The following OGFRL1 variants were observed in gnomAD, a reference collection of about 807,000 sequenced individuals.
OGFRL1 encodes the protein opioid growth factor receptor-like protein 1.
OGFRL1 carries 26 observed loss-of-function variants against 32.4 expected under a neutral mutation model. That is an observed-to-expected ratio of 0.80 (90% CI 0.59 to 1.11). OGFRL1 has a LOEUF of 1.11. OGFRL1 is among the 50% of genes most tolerant of loss of function. The pLI is 0.00. For missense variants in OGFRL1, 521 were observed against 546.4 expected, an observed-to-expected ratio of 0.95 and a Z score of 0.46; for synonymous variants, 211 against 201.2, an observed-to-expected ratio of 1.05 and a Z score of -0.41.
At position 71,306,987 on chromosome 6, in the gene OGFRL1, A is replaced by G. The variant is rs1766570128; in HGVS notation, c.*4938A>G. ...ATCATTTTAAAAGCACTGTTCTTGC[A>G]TTTTTCCTAGACTACAGAGAGTGTT... is the stretch of plus-strand genomic sequence containing the variant. On this transcript the variant is annotated 3_prime_UTR_variant, in exon 7 of 7. Coordinates refer to ENST00000370435, the MANE Select transcript of OGFRL1 (RefSeq NM_024576.5). 2 of 152,128 alleles carry G rather than the reference A, an allele frequency of 1.3e-5. No individual in the cohort carries two copies. The highest frequency in any genetic ancestry group is 2.9e-5 in the Non-Finnish European group (2 of 68,008). The allele number at this position is 152,128 out of a possible 1,614,324, so 9.4% of individuals were successfully genotyped here.
At chr6:71,291,383 T>C (rs1377290918) in intron 1 of OGFRL1, 1 of 152,234 alleles carries the variant, frequency 6.6e-6, no homozygotes, top group Non-Finnish European at 1.5e-5. Flanking sequence ...AAACAAAGTA[T>C]GGGCAATTCT....
Position 71,296,696 on chromosome 6 carries a change from A to C in OGFRL1, c.571A>C (p.Ile191Leu). Residue 191 changes from isoleucine to leucine, a missense_variant, in exon 6 of 7, where the codon ATT (isoleucine) becomes CTT (leucine). Transcript: ENST00000370435. ...IEEFKKTKEA[I>L]RRFLLAYKMM... The stretch of plus-strand genomic sequence containing the variant: ...GGAATTCAAAAAAACAAAAGAAGCA[A>C]TTAGAAGATTCCTCCTGGCTTATAA... The C allele has an allele frequency of 6.2e-7, 1 of 1,612,124 alleles. No homozygotes were observed. Among genetic ancestry groups the C allele is most frequent in the Non-Finnish European group, 8.5e-7 (1 of 1,179,290 alleles).
Position 71,289,107 on chromosome 6 carries a change from CGGCGGGCGGCCCGGCGCCAGCCCCGCG to C in OGFRL1, c.172_198del (p.Gly58_Ala66del). On this transcript the variant is annotated inframe_deletion, in exon 1 of 7. Coordinates refer to ENST00000370435, the MANE Select transcript of OGFRL1 (RefSeq NM_024576.5). Reference sequence around the variant, plus strand: ...AGCCCGCGCAGCCCCCGGAGCAAGCCGGCGGGCGGCCCGGCGCCAGCCCCGCGCCGGACGAGGACGCCGAGGCGGCGG... The same window carrying C: ...AGCCCGCGCAGCCCCCGGAGCAAGCCCCGGACGAGGACGCCGAGGCGGCGG... 9.0e-7 allele frequency: 1 copy of C among 1,113,300 alleles called. No individual in the cohort carries two copies. The highest frequency in any genetic ancestry group is 1.1e-6 in the Non-Finnish European group (1 of 913,570). 69.0% of individuals were successfully genotyped at this position (1,113,300 alleles called of 1,614,324 possible).
chr6:71,289,789 G>C (rs1582547103), intron 1 of OGFRL1: 5 of 985,252 alleles, frequency 5.1e-6, no homozygotes, highest in Non-Finnish European at 3.6e-6. Flanking sequence ...TGAACTGTTT[G>C]ACTAATACAG....
At chr6:71,301,137 G>T (rs545171995) in intron 6 of OGFRL1, among the ~76,000 whole-genome samples, 1 of 152,228 alleles carries the variant, frequency 6.6e-6, no homozygotes, top group South Asian at 2.1e-4. Context: ...CTAATATGAA[G>T]AACTCAACAG....
chr6:71,289,599 G>C, intron 1 of OGFRL1: 1 of 979,446 alleles, frequency 1.0e-6, no homozygotes, highest in Non-Finnish European at 1.2e-6. Context: ...AATAAGGTGG[G>C]GCTACAAGTG....
chr6:71,296,642 TC>T (rs1340291245), intron 5 of OGFRL1, 29 bp from the exon 6 acceptor site: 2 of 1,608,992 alleles, frequency 1.2e-6, no homozygotes, highest in Non-Finnish European at 1.7e-6. Context: ...CTGAATCATT[TC>T]AGGTGACTTT....
chr6:71,288,847 C>G lies in OGFRL1; in HGVS notation c.-90C>G, dbSNP rs557984940. ...GGCGCGCCTAGGCTGCCGCCCAGCG[C>G]CCTCGCCGCGGCCATGCCCGGGCCC... On this transcript the variant is annotated 5_prime_UTR_variant, in exon 1 of 7. Coordinates refer to ENST00000370435, the MANE Select transcript of OGFRL1 (RefSeq NM_024576.5). 2.1e-6 allele frequency: 2 copies of G among 967,676 alleles called. No individual in the cohort carries two copies. The highest frequency in any genetic ancestry group is 4.8e-4 in the Middle Eastern group (1 of 2,094). The allele number at this position is 967,676 out of a possible 1,614,324, so 59.9% of individuals were successfully genotyped here.
chr6:71,289,402 C>T, intron 1 of OGFRL1: 2 of 985,028 alleles, frequency 2.0e-6, no homozygotes, highest in Non-Finnish European at 1.2e-6. Flanking sequence ...GCCGAGGGCA[C>T]GGCGAGGAAG....
At position 71,289,399 on chromosome 6, in the gene OGFRL1, G is replaced by T. The variant is rs1765970165; in HGVS notation, c.234+229G>T. 2.0e-6 allele frequency: 2 copies of T among 984,874 alleles called. 1 individual carries two copies. The highest frequency in any genetic ancestry group is 3.5e-5 in the African/African-American group (2 of 57,182). 61.0% of individuals were successfully genotyped at this position (984,874 alleles called of 1,614,324 possible). ...CTGCCGGCCTGGGGCCTGGCCGAGG[G>T]CACGGCGAGGAAGTCCCTCAAGGCA... On this transcript the variant is annotated intron_variant, in intron 1 of 6. Transcript: ENST00000370435.
chr6:71,297,978 G>A lies in OGFRL1; in HGVS notation c.692+1161G>A, dbSNP rs1052397368. Reference sequence around the variant, plus strand: ...CTCCCCCCACCCCACAACAGACCCCGGTGTGTGATGTTCCCCTTCCTGTGT... The same window carrying A: ...CTCCCCCCACCCCACAACAGACCCCAGTGTGTGATGTTCCCCTTCCTGTGT... On this transcript the variant is annotated intron_variant, in intron 6 of 6. Transcript: ENST00000370435. 1.0e-4 allele frequency among the ~76,000 whole-genome samples: 11 copies of A among 109,410 alleles called. No homozygotes were observed. In the East Asian group the frequency reaches 1.1e-3, roughly 11 times the overall value. The allele number at this position is 109,410 out of a possible 152,430, so 71.8% of individuals were successfully genotyped here.
At chr6:71,292,217 G>A (rs1011375689) in intron 1 of OGFRL1, among the ~76,000 whole-genome samples, 34 of 152,216 alleles carry the variant, frequency 2.2e-4, no homozygotes, top group African/African-American at 8.0e-4. Flanking sequence ...CGTGTGGCAA[G>A]GACCAGAATT....
intron 3 of OGFRL1, 119 bp from the exon 4 acceptor site, chr6:71,296,198 T>C (rs1453306402): frequency 6.0e-6 from 4 of 662,416 alleles, no homozygotes; most frequent in East Asian, 2.7e-5. Context: ...AAAGCACTAT[T>C]CTTGTGTGCT....
intron 6 of OGFRL1, among the ~76,000 whole-genome samples, chr6:71,300,524 T>C (rs1339759416): frequency 1.3e-5 from 2 of 151,846 alleles, no homozygotes; most frequent in Non-Finnish European, 1.5e-5. Context: ...GACCAGAGAT[T>C]GAAGAAAATT....
At chr6:71,292,001 A>G (rs1766065111) in intron 1 of OGFRL1, 1 of 151,954 alleles carries the variant, frequency 6.6e-6, no homozygotes, top group Non-Finnish European at 1.5e-5. Flanking sequence ...AGATGGAAAC[A>G]CTTATTAACT....
At chr6:71,300,731 T>G (rs1766354951) in intron 6 of OGFRL1, among the ~76,000 whole-genome samples, 1 of 152,202 alleles carries the variant, frequency 6.6e-6, no homozygotes, top group South Asian at 2.1e-4. Context: ...TATTGAGACA[T>G]AGAGAAACAT....
rs1766475853 is a variant in OGFRL1 at position 71,304,095 on chromosome 6, A to C, written c.*2046A>C. 1.3e-5 allele frequency: 2 copies of C among 152,250 alleles called. No individual in the cohort carries two copies. The highest frequency in any genetic ancestry group is 2.4e-5 in the African/African-American group (1 of 41,562). 9.4% of individuals were successfully genotyped at this position (152,250 alleles called of 1,614,324 possible). On this transcript the variant is annotated 3_prime_UTR_variant, in exon 7 of 7. Coordinates refer to ENST00000370435, the MANE Select transcript of OGFRL1 (RefSeq NM_024576.5). The stretch of plus-strand genomic sequence containing the variant: ...ATCACACTTATAGTATGCCTCTAGA[A>C]ATATGATTTTACTGCTTTGAAGTTT...
intron 6 of OGFRL1, 34 bp from the exon 7 acceptor site, chr6:71,301,352 T>C (rs1231184015): frequency 7.3e-6 from 11 of 1,499,938 alleles, no homozygotes; most frequent in Non-Finnish European, 9.0e-6. Flanking sequence ...ACACCTGATT[T>C]CCCCCACTCA....
At chr6:71,291,063 AC>A (rs1766036859) in intron 1 of OGFRL1, among the ~76,000 whole-genome samples, 1 of 152,162 alleles carries the variant, frequency 6.6e-6, no homozygotes, top group Non-Finnish European at 1.5e-5. Flanking sequence ...GACCTTAGGC[AC>A]CCCTCCATTT....
Sources: allele counts gnomAD v4.1 joint callset (sites outside exome capture counted in the v4.1 genomes callset), GRCh38; gene constraint gnomAD v4.1.1; transcripts MANE v1.5; gene names NCBI Gene and HGNC (gene_info 2026-07-23, HGNC 2026-07-21).